SORBS2: variants seen among roughly 807,000 people sequenced by gnomAD.
SORBS2 encodes sorbin and SH3 domain-containing protein 2.
Under a neutral mutation model 97.7 loss-of-function variants are expected in SORBS2, and 46 were observed. The observed-to-expected ratio is 0.47, with a 90% CI of 0.37 to 0.60. The LOEUF is 0.60. SORBS2 is among the 20% of genes least tolerant of loss of function. The pLI, the probability that SORBS2 is intolerant of heterozygous loss-of-function variation, is 0.00. For synonymous variants in SORBS2, 476 were observed against 473.4 expected (o/e 1.01, Z -0.07); for missense variants, 1,316 against 1,282.3 (o/e 1.03, Z -0.40).
intron 2 of SORBS2, among the ~76,000 whole-genome samples, chr4:185,728,646 C>T (rs968696711): frequency 6.6e-6 from 1 of 152,158 alleles, no homozygotes; most frequent in Non-Finnish European, 1.5e-5. Context: ...TAATCGGAGT[C>T]GTTCCTAATT....
upstream of SORBS2, among the ~76,000 whole-genome samples, chr4:185,659,604 G>T (rs562806814): frequency 1.3e-3 from 200 of 151,298 alleles, no homozygotes; most frequent in Non-Finnish European, 2.4e-3. Flanking sequence ...TGTATTTTTA[G>T]TAGAGACGGG....
chr4:185,738,268 G>A (rs960599577), intron 2 of SORBS2, among the ~76,000 whole-genome samples: 7 of 152,140 alleles, frequency 4.6e-5, no homozygotes, highest in South Asian at 2.1e-4. Flanking sequence ...GGCTGCTTTC[G>A]GGATTTTCTT....
At chr4:185,616,692 T>C (rs1231727623) in intron 9 of SORBS2, among the ~76,000 whole-genome samples, 1 of 152,208 alleles carries the variant, frequency 6.6e-6, no homozygotes, top group African/African-American at 2.4e-5. Flanking sequence ...CAAAACTGTG[T>C]CCCTCTCATC....
chr4:185,597,995 T>C (rs1421045929), intron 12 of SORBS2, among the ~76,000 whole-genome samples: 1 of 152,202 alleles, frequency 6.6e-6, no homozygotes, highest in Non-Finnish European at 1.5e-5. Context: ...CACCAGCATT[T>C]TTGGTCCGTG....
intron 1 of SORBS2, among the ~76,000 whole-genome samples, chr4:185,800,842 A>G (rs1172667883): frequency 6.6e-6 from 1 of 152,206 alleles, no homozygotes; most frequent in African/African-American, 2.4e-5. Context: ...TGATACAGGC[A>G]TGCACTGTGC....
At chr4:185,685,367 A>G (rs1284428695) in intron 2 of SORBS2, among the ~76,000 whole-genome samples, 2 of 152,222 alleles carry the variant, frequency 1.3e-5, no homozygotes, top group Non-Finnish European at 2.9e-5. Context: ...CAGGTATGAT[A>G]CATTTTTTTA....
intron 12 of SORBS2, among the ~76,000 whole-genome samples, chr4:185,605,738 C>T (rs568314457): frequency 6.6e-6 from 1 of 152,328 alleles, no homozygotes; most frequent in Admixed American, 6.5e-5. Context: ...GCACCCACCA[C>T]CACGCCTGGC....
In SORBS2 at chr4:185,870,563, G is replaced by A. The variant is rs563663734; in HGVS notation, c.-338+85633C>T. On this transcript the variant is annotated intron_variant, in intron 1 of 20. Coordinates refer to the SORBS2 transcript ENST00000284776. ...ACTGCTGTCAGCATCTGAAAACGCT[G>A]CCCAGCTCGTGTCTGAGGTTGGCAC... Among the ~76,000 whole-genome samples the A allele has an allele frequency of 5.3e-5, 8 of 152,342 alleles. No individual in the cohort carries two copies. In the South Asian group the frequency reaches 1.7e-3, roughly 32 times the overall value.
intron 2 of SORBS2, among the ~76,000 whole-genome samples, chr4:185,733,207 A>C (rs1314380395): frequency 6.6e-6 from 1 of 152,400 alleles, no homozygotes; most frequent in East Asian, 1.9e-4. Flanking sequence ...TTGCAATCCA[A>C]AGACTGCACC....
chr4:185,700,014 A>C (rs1204299670), intron 2 of SORBS2, among the ~76,000 whole-genome samples: 1 of 152,194 alleles, frequency 6.6e-6, no homozygotes, highest in African/African-American at 2.4e-5. Context: ...AGGGAAAAAC[A>C]AAGTGGTGTG....
intron 14 of SORBS2, 22 bp downstream of exon 26, chr4:185,589,657 C>A (rs1456814688): frequency 7.1e-7 from 1 of 1,415,224 alleles, no homozygotes; most frequent in South Asian, 1.1e-5. Flanking sequence ...GCCGAAGGTG[C>A]CTGAGGAAGA....
At position 185,748,613 on chromosome 4, in the gene SORBS2, G is replaced by A. The variant is rs73015598; in HGVS notation, c.-198+26614C>T. 5.5e-3 allele frequency among the ~76,000 whole-genome samples: 837 copies of A among 152,266 alleles called. 9 individuals are homozygous for A. The highest frequency in any genetic ancestry group is 0.02 in the African/African-American group (815 of 41,534). On this transcript the variant is annotated intron_variant, in intron 2 of 20. Transcript: ENST00000284776. ...CTGATGACGAGAGATGGTGTGTTAC[G>A]GATTTTGCATCTGCAGTTTTGCCAT... is the stretch of plus-strand genomic sequence containing the variant.
At chr4:185,947,865 C>A (rs1261295903) in intron 1 of SORBS2, among the ~76,000 whole-genome samples, 1 of 152,224 alleles carries the variant, frequency 6.6e-6, no homozygotes, top group East Asian at 1.9e-4. Flanking sequence ...CCTGCCTCAG[C>A]CTCTCAAAGT....
intron 2 of SORBS2, among the ~76,000 whole-genome samples, chr4:185,721,198 C>T (rs948401528): frequency 3.3e-5 from 5 of 150,562 alleles, no homozygotes; most frequent in Non-Finnish European, 2.9e-5. Context: ...CCTCAGCCTC[C>T]TGAGTAGTTG....
At position 185,826,623 on chromosome 4, in the gene SORBS2, C is replaced by T. The variant is rs533088137; in HGVS notation, c.-337-51257G>A. On this transcript the variant is annotated intron_variant, in intron 1 of 20. Transcript: ENST00000284776. ...GGACCATCAATATATACTGTTTTTT[C>T]TCTTTTTTCACCTAATTCACTGGGT... Among the ~76,000 whole-genome samples the T allele has an allele frequency of 3.3e-5, 5 of 152,262 alleles. No individual in the cohort carries two copies. In the South Asian group the frequency reaches 8.3e-4, roughly 25 times the overall value.
rs553908401 is a variant in SORBS2 at position 185,606,729 on chromosome 4, G to A, written c.2796+5051C>T. ...GGTGTGGGGTGCCCTCTGACCCATCGTGGCCACACCACCAGGCGTCTCCTT... is the reference window on the plus strand; with the variant it reads ...GGTGTGGGGTGCCCTCTGACCCATCATGGCCACACCACCAGGCGTCTCCTT... On this transcript the variant is annotated intron_variant, in intron 12 of 14. Coordinates refer to ENST00000418609, the Ensembl canonical transcript of SORBS2. This position sits in a 1 kb window ranked among gnomAD's most constrained non-coding sequence, Gnocchi z 4.3. 20 of 985,164 alleles carry A rather than the reference G, an allele frequency of 2.0e-5. No homozygotes were observed. In the South Asian group the frequency reaches 4.2e-4, roughly 21 times the overall value. 61.0% of individuals were successfully genotyped at this position (985,164 alleles called of 1,614,324 possible). A position where few individuals can be genotyped will look rare whatever the true frequency, so the allele number is the denominator to read the frequency against.
At chr4:185,844,394 A>G (rs2099213324) in intron 1 of SORBS2, among the ~76,000 whole-genome samples, 1 of 152,214 alleles carries the variant, frequency 6.6e-6, no homozygotes. Flanking sequence ...TGCAAAACAC[A>G]CCCACAATAA....
chr4:185,893,488 T>A (rs2149808602), intron 1 of SORBS2, among the ~76,000 whole-genome samples: 1 of 152,348 alleles, frequency 6.6e-6, no homozygotes, highest in Non-Finnish European at 1.5e-5. Context: ...CTCATGGATG[T>A]TAAATCTGGA....
chr4:185,663,049 A>T (rs2097543631), intron 4 of SORBS2, among the ~76,000 whole-genome samples: 1 of 152,204 alleles, frequency 6.6e-6, no homozygotes, highest in Admixed American at 6.5e-5. Context: ...ATCTATTCTG[A>T]TGGAACTGAA....
Sources: gnomAD v4.1 joint callset for allele counts (sites outside exome capture counted in the v4.1 genomes callset) on GRCh38, gnomAD v4.1.1 for gene constraint, Gnocchi (gnomAD v3.1) non-coding constraint, MANE v1.5 for transcripts, NCBI Gene and HGNC (gene_info 2026-07-23, HGNC 2026-07-21) for gene names.